GRID2IP: variants seen among roughly 807,000 people sequenced by gnomAD.
GRID2IP encodes the protein Grid2 interacting protein.
A neutral mutation model predicts 114.3 loss-of-function variants in GRID2IP; 78 were observed. The observed-to-expected ratio is 0.68, with a 90% CI of 0.57 to 0.82. GRID2IP has a LOEUF of 0.82. Ranked by LOEUF, GRID2IP falls within the 40% of genes least tolerant of loss-of-function variation. The pLI is 0.00. For synonymous variants in GRID2IP, 809 were observed against 724.0 expected (o/e 1.12, Z -1.89); for missense variants, 1,727 against 1,678.5 (o/e 1.03, Z -0.51).
chr7:6,530,209 C>T (rs1779591889), intron 2 of GRID2IP, among the ~76,000 whole-genome samples: 1 of 152,058 alleles, frequency 6.6e-6, no homozygotes. Flanking sequence ...CCGCCCGCCT[C>T]GGCCTCCCAA....
In GRID2IP at chr7:6,516,817, T is replaced by C; in HGVS notation, c.1269-2288A>G. On this transcript the variant is annotated intron_variant, in intron 7 of 21. Coordinates refer to ENST00000457091, the MANE Select transcript of GRID2IP (RefSeq NM_001145118.2). The surrounding 1 kb of genome is among the most constrained non-coding windows in gnomAD (Gnocchi z 4.3). ...AGAAATAATTACGTAAGCTGTCCCC[T>C]CTTTCTCTCCGCCTCAGCTACCAAA... 6.6e-6 allele frequency among the ~76,000 whole-genome samples: 1 copy of C among 152,246 alleles called. No homozygotes were observed. The highest frequency in any genetic ancestry group is 2.4e-5 in the African/African-American group (1 of 41,550).
At position 6,520,936 on chromosome 7, in the gene GRID2IP, C is replaced by T. The variant is rs1033703057; in HGVS notation, c.1085-175G>A. On this transcript the variant is annotated intron_variant, in intron 6 of 21. Coordinates refer to ENST00000457091, the MANE Select transcript of GRID2IP (RefSeq NM_001145118.2). The surrounding 1 kb of genome is among the most constrained non-coding windows in gnomAD (Gnocchi z 4.6). ...CGGGGCCAAGGATAGAGGGAGTCAG[C>T]CCTGGGAAGGGTCCCTAAGGCTATA... Among the ~76,000 whole-genome samples the T allele has an allele frequency of 6.6e-6, 1 of 152,094 alleles. No homozygotes were observed. The highest frequency in any genetic ancestry group is 1.5e-5 in the Non-Finnish European group (1 of 68,006).
At chr7:6,548,900 A>G (rs1007168811) in intron 1 of GRID2IP, among the ~76,000 whole-genome samples, 22 of 151,610 alleles carry the variant, frequency 1.5e-4, no homozygotes, top group African/African-American at 5.1e-4. Flanking sequence ...GCAAATACTG[A>G]GTTTCCAGGC....
At chr7:6,501,527 C>A (rs1184140813) in intron 20 of GRID2IP, among the ~76,000 whole-genome samples, 2 of 152,204 alleles carry the variant, frequency 1.3e-5, no homozygotes, top group African/African-American at 4.8e-5. Flanking sequence ...CATGGCAAAA[C>A]CTTGTCTCTA....
rs1199298909 is a variant in GRID2IP, at chr7:6,526,114, T to G, written c.919+110A>C. 1.3e-6 allele frequency: 1 copy of G among 795,638 alleles called. No individual in the cohort carries two copies. Among genetic ancestry groups the G allele is most frequent in the African/African-American group, 1.7e-5 (1 of 58,388 alleles). 49.3% of individuals were successfully genotyped at this position (795,638 alleles called of 1,614,324 possible). On this transcript the variant is annotated intron_variant, in intron 4 of 21. Coordinates refer to ENST00000457091, the MANE Select transcript of GRID2IP (RefSeq NM_001145118.2). This position sits in a 1 kb window ranked among gnomAD's most constrained non-coding sequence, Gnocchi z 7.6. ...AAGGATGGTACCTGACGTGGAGGGG[T>G]TGCTGAGCAGGAGCCTACATGGGGT...
intron 2 of GRID2IP, chr7:6,531,144 G>C (rs773660730): frequency 1.0e-4 from 52 of 505,226 alleles, no homozygotes; most frequent in Non-Finnish European, 1.6e-4. Flanking sequence ...CGAAGGGCAG[G>C]GGGTAGCCGA....
At chr7:6,537,370 C>CTTTTTTT (rs772469574) in intron 2 of GRID2IP, among the ~76,000 whole-genome samples, 3 of 58,356 alleles carry the variant, frequency 5.1e-5, no homozygotes, top group African/African-American at 6.4e-5. Context: ...ATGGTGAGAC[C>CTTTTTTT]TTTTTTTTTT....
intron 7 of GRID2IP, among the ~76,000 whole-genome samples, chr7:6,515,356 G>T (rs1475780534): frequency 2.0e-5 from 3 of 152,108 alleles, no homozygotes; most frequent in Non-Finnish European, 2.9e-5. Context: ...CAGCTACTCA[G>T]GAGGCTGAAG....
At chr7:6,533,475 C>T (rs750762645) in intron 2 of GRID2IP, among the ~76,000 whole-genome samples, 15 of 152,140 alleles carry the variant, frequency 9.9e-5, no homozygotes, top group Non-Finnish European at 1.8e-4. Context: ...CCTCCCACCT[C>T]AGCCTCCCAA....
intron 1 of GRID2IP, among the ~76,000 whole-genome samples, chr7:6,543,688 T>G (rs960966352): frequency 2.7e-4 from 41 of 152,046 alleles, no homozygotes; most frequent in African/African-American, 9.4e-4. Flanking sequence ...TAGCTCCCTG[T>G]GGCCTTGAAC....
chr7:6,528,678 G>A lies in GRID2IP; in HGVS notation c.585-1909C>T, dbSNP rs940242. 0.037 allele frequency among the ~76,000 whole-genome samples: 5,592 copies of A among 152,244 alleles called. 182 individuals carry two copies. The highest frequency in any genetic ancestry group is 0.12 in the Admixed American group (1,757 of 15,268). ...GGCCCTCACACTTCCCTCCACCTCT[G>A]TGGGTAGGAGTAATTAGGCCCGCCA... On this transcript the variant is annotated intron_variant, in intron 2 of 21. Coordinates refer to ENST00000457091, the MANE Select transcript of GRID2IP (RefSeq NM_001145118.2). The surrounding 1 kb of genome is among the most constrained non-coding windows in gnomAD (Gnocchi z 6.0).
At chr7:6,504,123 G>A (rs917924130) in intron 15 of GRID2IP, among the ~76,000 whole-genome samples, 2 of 151,414 alleles carry the variant, frequency 1.3e-5, no homozygotes, top group African/African-American at 2.4e-5. Flanking sequence ...TAGAGGGGTG[G>A]GGGTCAATGA....
At position 6,516,656 on chromosome 7, in the gene GRID2IP, C is replaced by G. The variant is rs1779309159; in HGVS notation, c.1269-2127G>C. ...CGCCCGCAGCCACCCAGAGGCCTAA[C>G]GCTGTCCCTGTGATGCTGTGCTTCA... On this transcript the variant is annotated intron_variant, in intron 7 of 21. Coordinates refer to ENST00000457091, the MANE Select transcript of GRID2IP (RefSeq NM_001145118.2). This position sits in a 1 kb window ranked among gnomAD's most constrained non-coding sequence, Gnocchi z 4.3. Among the ~76,000 whole-genome samples the G allele has an allele frequency of 6.6e-6, 1 of 152,214 alleles. No individual in the cohort carries two copies. The highest frequency in any genetic ancestry group is 6.5e-5 in the Admixed American group (1 of 15,274).
chr7:6,549,086 G>T (rs892242347), intron 1 of GRID2IP, among the ~76,000 whole-genome samples: 1 of 152,150 alleles, frequency 6.6e-6, no homozygotes, highest in African/African-American at 2.4e-5. Flanking sequence ...TGAATGGCAT[G>T]GGAGGTTGCT....
intron 2 of GRID2IP, among the ~76,000 whole-genome samples, chr7:6,537,837 G>A (rs982912064): frequency 6.6e-6 from 1 of 152,044 alleles, no homozygotes; most frequent in African/African-American, 2.4e-5. Flanking sequence ...ATGACAGAGC[G>A]AGACTCCGAT....
chr7:6,513,909 C>T (rs988333912), intron 8 of GRID2IP, among the ~76,000 whole-genome samples: 1 of 132,446 alleles, frequency 7.6e-6, no homozygotes, highest in Non-Finnish European at 1.5e-5. Flanking sequence ...GATGGCACCA[C>T]GACACTCCAG....
In GRID2IP at chr7:6,506,168, T is replaced by C. The variant is rs912865945; in HGVS notation, c.2545-261A>G. Among the ~76,000 whole-genome samples, 1 of 152,190 alleles carries C rather than the reference T, an allele frequency of 6.6e-6. No homozygotes were observed. Among genetic ancestry groups the C allele is most frequent in the African/African-American group, 2.4e-5 (1 of 41,454 alleles). ...CGTGCAGAAGCCAGCAAGGTGGGAC[T>C]GCAGCGGGGGCATGAAGGAGCTGTG... On this transcript the variant is annotated intron_variant, in intron 13 of 21. Transcript: ENST00000457091. This position sits in a 1 kb window ranked among gnomAD's most constrained non-coding sequence, Gnocchi z 5.2.
At position 6,510,618 on chromosome 7, in the gene GRID2IP, G is replaced by A; in HGVS notation, c.1644C>T (p.Asn548=). 1 of 1,536,588 alleles carries A rather than the reference G, an allele frequency of 6.5e-7. No homozygotes were observed. The highest frequency in any genetic ancestry group is 8.8e-7 in the Non-Finnish European group (1 of 1,141,972). Residue 548 remains asparagine, a synonymous_variant, in exon 10 of 22, where the codon AAC becomes AAT. Coordinates refer to ENST00000457091, the MANE Select transcript of GRID2IP (RefSeq NM_001145118.2). Reference sequence around the variant, plus strand: ...GCAGAGAAGGTCTCACCATCTTGGGGTTGGGGGTCTCAGGGAGGGACGTGC... The same window carrying A: ...GCAGAGAAGGTCTCACCATCTTGGGATTGGGGGTCTCAGGGAGGGACGTGC... ...GDGTSLPETP[N]PKMMSAVYAE... is the part of the protein sequence containing the mutation.
chr7:6,542,588 G>T (rs921652495), intron 1 of GRID2IP, among the ~76,000 whole-genome samples: 2 of 152,096 alleles, frequency 1.3e-5, no homozygotes, highest in African/African-American at 4.8e-5. Flanking sequence ...AGCTCAGGAA[G>T]TTGAGGCTGC....
Sources: allele counts gnomAD v4.1 joint callset (sites outside exome capture counted in the v4.1 genomes callset), GRCh38; gene constraint gnomAD v4.1.1; non-coding constraint Gnocchi (gnomAD v3.1); transcripts MANE v1.5; gene names NCBI Gene and HGNC (gene_info 2026-07-23, HGNC 2026-07-21).